COQ8B: variants seen among roughly 807,000 people sequenced by gnomAD.
The protein encoded by COQ8B is atypical kinase COQ8B, mitochondrial.
A neutral mutation model predicts 62.0 loss-of-function variants in COQ8B; 44 were observed. The ratio of observed to expected loss-of-function variants is 0.71; its 90% CI spans 0.56 to 0.91. The LOEUF is 0.91. COQ8B is among the 40% of genes least tolerant of loss of function. COQ8B has a pLI of 0.00. For missense variants in COQ8B, 649 were observed against 731.6 expected, an observed-to-expected ratio of 0.89 and a Z score of 1.30; for synonymous variants, 252 against 289.9, an observed-to-expected ratio of 0.87 and a Z score of 1.33.
chr19:40,711,455 C>A (rs1288590174), intron 4 of COQ8B, among the ~76,000 whole-genome samples: 2 of 152,108 alleles, frequency 1.3e-5, no homozygotes, highest in Non-Finnish European at 2.9e-5. Context: ...AACTCCAGAA[C>A]TCACGTGATC....
intron 12 of COQ8B, among the ~76,000 whole-genome samples, chr19:40,697,053 T>C (rs2082020063): frequency 6.6e-6 from 1 of 152,156 alleles, no homozygotes. Context: ...ATACTGTGGT[T>C]GTTTCTGATT....
intron 4 of COQ8B, among the ~76,000 whole-genome samples, chr19:40,712,549 C>T (rs989486635): frequency 4.6e-5 from 7 of 151,998 alleles, no homozygotes; most frequent in African/African-American, 1.2e-4. Context: ...GATCATGCCA[C>T]TGCACTCCAG....
At chr19:40,715,349 AC>A in intron 1 of COQ8B, 1 of 985,350 alleles carries the variant, frequency 1.0e-6, no homozygotes, top group Middle Eastern at 5.2e-4. Flanking sequence ...TACGCGACAG[AC>A]CCTTCTGTTC....
chr19:40,694,424 G>A (rs1219658916), intron 13 of COQ8B, among the ~76,000 whole-genome samples: 4 of 152,226 alleles, frequency 2.6e-5, no homozygotes, highest in Admixed American at 2.0e-4. Flanking sequence ...GAGCTGTAGA[G>A]CGCAGCCTCT....
chr19:40,693,219 C>T (rs1282090460), intron 13 of COQ8B, among the ~76,000 whole-genome samples, 182 bp from the exon 14 acceptor site: 2 of 152,118 alleles, frequency 1.3e-5, no homozygotes, highest in African/African-American at 2.4e-5. Context: ...AAAGACTCTT[C>T]CAGAGCCTGG....
chr19:40,710,826 C>T (rs891848854), intron 4 of COQ8B, among the ~76,000 whole-genome samples: 6 of 152,082 alleles, frequency 3.9e-5, no homozygotes, highest in African/African-American at 4.8e-5. Flanking sequence ...TTCTAATGTG[C>T]GATCAAGGTT....
At chr19:40,700,205 G>A (rs762699398) in intron 11 of COQ8B, 31 bp from the exon 12 acceptor site, 158 of 1,613,736 alleles carry the variant, frequency 9.8e-5, no homozygotes, top group Non-Finnish European at 1.2e-4. Flanking sequence ...AGGCATCTCA[G>A]TGTGATCTCC....
rs2082092907 is a variant in COQ8B, at chr19:40,705,377, T to C, written c.438A>G (p.Leu146=). ...TGAGGGCGGCCCCTCGAACTGTACA[T>C]AAGGTCTGCACAATCCGCTCGGCAT... The part of the protein sequence containing the change: ...EANAERIVQT[L]CTVRGAALKV... Residue 146 remains leucine, a synonymous_variant, in exon 6 of 15, where the codon TTA becomes TTG. Coordinates refer to ENST00000324464, the MANE Select transcript of COQ8B (RefSeq NM_024876.4). 1.9e-6 allele frequency: 3 copies of C among 1,602,030 alleles called. No homozygotes were observed. The highest frequency in any genetic ancestry group is 1.7e-4 in the Middle Eastern group (1 of 6,034).
chr19:40,695,175 G>T (rs60481796), intron 13 of COQ8B, among the ~76,000 whole-genome samples: 2 of 151,918 alleles, frequency 1.3e-5, no homozygotes, highest in South Asian at 2.1e-4. Flanking sequence ...AAAATTAGCC[G>T]GGCGTGGTGG....
At chr19:40,715,440 T>C (rs2082178503) in intron 1 of COQ8B, 5 of 985,662 alleles carry the variant, frequency 5.1e-6, no homozygotes, top group Non-Finnish European at 4.8e-6. Flanking sequence ...CCCCTTCTTA[T>C]TTTTACCCCT....
intron 9 of COQ8B, 38 bp from the exon 10 acceptor site, chr19:40,702,731 G>A: frequency 6.3e-7 from 1 of 1,590,266 alleles, no homozygotes; most frequent in Non-Finnish European, 8.5e-7. Context: ...AGGGCCCCGA[G>A]CGCCCACTGG....
At position 40,692,143 on chromosome 19, in the gene COQ8B, C is replaced by G; in HGVS notation, c.1527G>C (p.Arg509Ser). 1 of 1,603,308 alleles carries G rather than the reference C, an allele frequency of 6.2e-7. No individual in the cohort carries two copies. The highest frequency in any genetic ancestry group is 8.5e-7 in the Non-Finnish European group (1 of 1,175,048). Residue 509 changes from arginine to serine, a missense_variant, in exon 15 of 15, where the codon AGG becomes AGC. Transcript: ENST00000324464. The stretch of plus-strand genomic sequence containing the variant: ...GGTGGTAGGTGTCCTGGAAGAGGTC[C>G]CTGCAGGCGATGTGGGCTCGGAGGT... ...CAHLRAHIACRDLFQDTYHRY... is the reference protein window; with the variant it reads ...CAHLRAHIACSDLFQDTYHRY...
chr19:40,707,751 G>A (rs953155528), intron 5 of COQ8B, among the ~76,000 whole-genome samples: 1 of 152,148 alleles, frequency 6.6e-6, no homozygotes, highest in East Asian at 1.9e-4. Context: ...CACCGCAACC[G>A]GCCTCACTTA....
intron 13 of COQ8B, among the ~76,000 whole-genome samples, chr19:40,693,874 G>T (rs2081993338): frequency 6.6e-6 from 1 of 152,128 alleles, no homozygotes; most frequent in South Asian, 2.1e-4. Context: ...AGTGGAACCG[G>T]GTCACACCAC....
In COQ8B at chr19:40,691,720, T is replaced by TC. The variant is rs1023487410; in HGVS notation, c.*314dup. On this transcript the variant is annotated 3_prime_UTR_variant, in exon 15 of 15. Transcript: ENST00000324464. ...GGAGGCTTGAGGCAGAGGTGAGGGC[T>TC]CCCCCTGATGAGTCTGATCTGCATA... The TC allele has an allele frequency of 1.3e-5, 3 of 237,582 alleles. No homozygotes were observed. The highest frequency in any genetic ancestry group is 6.7e-5 in the African/African-American group (3 of 44,590). 14.7% of individuals were successfully genotyped at this position (237,582 alleles called of 1,614,324 possible). A position where few individuals can be genotyped will look rare whatever the true frequency, so the allele number is the denominator to read the frequency against.
At chr19:40,716,322 CA>C (rs1366093664) in intron 1 of COQ8B, among the ~76,000 whole-genome samples, 1 of 152,140 alleles carries the variant, frequency 6.6e-6, no homozygotes, top group Non-Finnish European at 1.5e-5. Flanking sequence ...CAAAATATAT[CA>C]AAATCACCTA....
intron 5 of COQ8B, among the ~76,000 whole-genome samples, chr19:40,708,879 A>T (rs1400070480): frequency 6.6e-6 from 1 of 151,912 alleles, no homozygotes; most frequent in Non-Finnish European, 1.5e-5. Flanking sequence ...GCAGTGAGCC[A>T]TGATCGTACC....
intron 12 of COQ8B, 84 bp downstream of exon 12, chr19:40,699,983 T>G: frequency 7.6e-7 from 1 of 1,307,822 alleles, no homozygotes; most frequent in South Asian, 1.2e-5. Context: ...GGTAATCAAC[T>G]GCTATTTTGT....
intron 12 of COQ8B, among the ~76,000 whole-genome samples, chr19:40,698,292 T>TTAA (rs1446349627): frequency 1.5e-5 from 2 of 132,608 alleles, no homozygotes; most frequent in Admixed American, 7.6e-5. Context: ...ATCTATTCCA[T>TTAA]AAAAAAAAAA....
Sources: allele counts gnomAD v4.1 joint callset (sites outside exome capture counted in the v4.1 genomes callset), GRCh38; gene constraint gnomAD v4.1.1; transcripts MANE v1.5; gene names NCBI Gene and HGNC (gene_info 2026-07-23, HGNC 2026-07-21).